SLBP: variants seen among roughly 807,000 people sequenced by gnomAD.
SLBP encodes stem-loop histone mRNA binding protein.
In SLBP, 29 loss-of-function variants were observed where a neutral mutation model predicts 39.2. The ratio of observed to expected loss-of-function variants is 0.74; its 90% CI spans 0.55 to 1.01. The LOEUF is 1.01. Ranked by LOEUF, SLBP falls within the 50% of genes least tolerant of loss-of-function variation. SLBP has a pLI of 0.00. For missense variants in SLBP, 390 were observed against 350.2 expected, an observed-to-expected ratio of 1.11 and a Z score of -0.91; for synonymous variants, 129 against 118.7, an observed-to-expected ratio of 1.09 and a Z score of -0.57.
chr4:1,700,806 C>A (rs1339866043), intron 3 of SLBP, among the ~76,000 whole-genome samples: 1 of 152,182 alleles, frequency 6.6e-6, no homozygotes, highest in Non-Finnish European at 1.5e-5. Flanking sequence ...CTCAAGCAAT[C>A]CTCCCGCCTC....
chr4:1,712,130 C>T lies in SLBP; in HGVS notation c.59G>A (p.Ser20Asn), dbSNP rs2108668852. 1 of 1,231,462 alleles carries T rather than the reference C, an allele frequency of 8.1e-7. No individual in the cohort carries two copies. The highest frequency in any genetic ancestry group is 3.2e-5 in the East Asian group (1 of 30,824). The allele number at this position is 1,231,462 out of a possible 1,614,324, so 76.3% of individuals were successfully genotyped here. Residue 20 changes from serine (S) to asparagine (N), a missense_variant and splice_region_variant, in exon 1 of 8, where the codon AGC becomes AAC. Ser to Asn is a conservative substitution (Grantham distance 46). Coordinates refer to ENST00000489418, the MANE Select transcript of SLBP (RefSeq NM_006527.4). ...RHQSRCDGDA[S>N]PPSPARWSLG... is the part of the protein sequence containing the mutation. ...CGCCCGCCGCGCAGCCCGGCCTCAC[C>T]TGGCGTCACCGTCGCAGCGGCTCTG...
intron 7 of SLBP, among the ~76,000 whole-genome samples, chr4:1,694,390 TTC>T (rs1577175556): frequency 7.3e-6 from 1 of 136,768 alleles, no homozygotes; most frequent in South Asian, 2.3e-4. Context: ...GCACATGGTT[TTC>T]TTTCTTTTTT....
chr4:1,711,881 G>C lies in SLBP; in HGVS notation c.169C>G (p.Pro57Ala). 1 of 1,352,722 alleles carries C rather than the reference G, an allele frequency of 7.4e-7. No individual in the cohort carries two copies. Among genetic ancestry groups the C allele is most frequent in the Non-Finnish European group, 9.5e-7 (1 of 1,051,904 alleles). The allele number at this position is 1,352,722 out of a possible 1,614,324, so 83.8% of individuals were successfully genotyped here. ...EAEHRGAERR[P>A]ESFTTPEGPK... Reference sequence around the variant, plus strand: ...CCCGGGTCCCGCGCCCACCTCTCGGGTCTGCGCTCGGCGCCGCGGTGCTCT... The same window carrying C: ...CCCGGGTCCCGCGCCCACCTCTCGGCTCTGCGCTCGGCGCCGCGGTGCTCT... The change falls in exon 2 of 8, where the codon CCC (proline) becomes GCC (alanine). Residue 57 changes from proline to alanine, a missense_variant. By Grantham distance (27) the Pro-to-Ala change is conservative (BLOSUM62 -1). Transcript: ENST00000489418.
chr4:1,706,635 G>C (rs995114411), intron 2 of SLBP, among the ~76,000 whole-genome samples: 2 of 151,988 alleles, frequency 1.3e-5, no homozygotes, highest in Non-Finnish European at 2.9e-5. Flanking sequence ...GTGAAACCCA[G>C]CGTCTACCAA....
intron 3 of SLBP, among the ~76,000 whole-genome samples, chr4:1,700,395 T>C (rs145404314): frequency 2.2e-3 from 332 of 152,266 alleles, no homozygotes; most frequent in African/African-American, 7.5e-3. Flanking sequence ...AGACCAAACG[T>C]GCCCCCTTTT....
In SLBP at chr4:1,711,780, C is replaced by T. The variant is rs1163089400; in HGVS notation, c.176+94G>A. The T allele has an allele frequency of 1.3e-5, 8 of 626,576 alleles. 1 individual carries two copies. In the Admixed American group the frequency reaches 1.8e-4, roughly 14 times the overall value. The allele number at this position is 626,576 out of a possible 1,614,324, so 38.8% of individuals were successfully genotyped here. ...AAAGGACGCAGGGTGCCGACCTGAC[C>T]GATCCCGGCACCGCGAGAGCGCGAC... On this transcript the variant is annotated intron_variant, in intron 2 of 7. Coordinates refer to ENST00000489418, the MANE Select transcript of SLBP (RefSeq NM_006527.4).
At chr4:1,697,933 C>T (rs1160510746) in intron 5 of SLBP, among the ~76,000 whole-genome samples, 3 of 151,982 alleles carry the variant, frequency 2.0e-5, no homozygotes, top group African/African-American at 4.8e-5. Context: ...CAAGACCAGC[C>T]TGGGCGACAT....
chr4:1,705,824 C>T (rs1231695635), intron 2 of SLBP, among the ~76,000 whole-genome samples: 2 of 152,104 alleles, frequency 1.3e-5, no homozygotes, highest in African/African-American at 4.8e-5. Context: ...AACGTCATCT[C>T]CAAAATAAAT....
chr4:1,706,999 C>T (rs1157600242), intron 2 of SLBP, among the ~76,000 whole-genome samples: 54 of 151,328 alleles, frequency 3.6e-4, no homozygotes, highest in Admixed American at 3.5e-3. Flanking sequence ...GCGGGTGGAT[C>T]ATGAGGTCAG....
At chr4:1,701,763 C>T (rs1318548830) in intron 3 of SLBP, among the ~76,000 whole-genome samples, 5 of 152,190 alleles carry the variant, frequency 3.3e-5, no homozygotes, top group South Asian at 2.1e-4. Flanking sequence ...AAAAATTAGC[C>T]GGACGTGGTG....
intron 1 of SLBP, 55 bp downstream of exon 1, chr4:1,712,075 A>T: frequency 8.1e-7 from 1 of 1,232,274 alleles, no homozygotes; most frequent in Non-Finnish European, 1.0e-6. Flanking sequence ...GGCCCCGCAC[A>T]ACCCCCGCCC....
At chr4:1,707,876 C>T (rs562040619) in intron 2 of SLBP, among the ~76,000 whole-genome samples, 2 of 151,818 alleles carry the variant, frequency 1.3e-5, no homozygotes, top group South Asian at 2.1e-4. Flanking sequence ...GTCAGGAGTT[C>T]GAGACTAGCC....
At position 1,700,012 on chromosome 4, in the gene SLBP, T is replaced by C; in HGVS notation, c.340A>G (p.Ser114Gly). 1 of 1,592,816 alleles carries C rather than the reference T, an allele frequency of 6.3e-7. No homozygotes were observed. The highest frequency in any genetic ancestry group is 1.3e-5 in the African/African-American group (1 of 74,230). ...FGRERKSSSGSSDSKESMSTV... is the reference protein window; with the variant it reads ...FGRERKSSSGGSDSKESMSTV... ...AAGAAACATTTACACAGCCTTTACC[T>C]TCCTGATGATGATTTTCTCTCTCTT... The change falls in exon 4 of 8, where the codon AGT (serine) becomes GGT (glycine). Residue 114 changes from serine (S) to glycine (G), a missense_variant and splice_region_variant. Transcript: ENST00000489418.
rs561748986 is a variant in SLBP at position 1,696,399 on chromosome 4, T to G, written c.480-48A>C. 1.2e-4 allele frequency: 171 copies of G among 1,452,190 alleles called. 1 individual carries two copies. The South Asian group carries it at 2.2e-3, about 19-fold the overall frequency. 90.0% of individuals were successfully genotyped at this position (1,452,190 alleles called of 1,614,324 possible). A position where few individuals can be genotyped will look rare whatever the true frequency, so the allele number is the denominator to read the frequency against. On this transcript the variant is annotated intron_variant, in intron 5 of 7. Coordinates refer to ENST00000489418, the MANE Select transcript of SLBP (RefSeq NM_006527.4). ...GCACATGCCCACATGCCACTCACAT[T>G]TCCACATTAGCCTGAAGATTAACCA...
chr4:1,697,908 T>C (rs1716175234), intron 5 of SLBP, among the ~76,000 whole-genome samples: 1 of 152,066 alleles, frequency 6.6e-6, no homozygotes, highest in Non-Finnish European at 1.5e-5. Flanking sequence ...GGAGGACTAC[T>C]TGAGGCCAGG....
intron 2 of SLBP, among the ~76,000 whole-genome samples, chr4:1,710,531 T>A (rs1181534422): frequency 6.6e-6 from 1 of 152,224 alleles, no homozygotes; most frequent in African/African-American, 2.4e-5. Flanking sequence ...GAGTCTGTGG[T>A]CTGTGCCTTT....
intron 5 of SLBP, among the ~76,000 whole-genome samples, chr4:1,697,713 G>A (rs906306866): frequency 1.3e-5 from 2 of 149,878 alleles, no homozygotes; most frequent in African/African-American, 2.5e-5. Flanking sequence ...GCATGGTGGC[G>A]CATGCCTGTA....
intron 2 of SLBP, among the ~76,000 whole-genome samples, chr4:1,704,823 A>G (rs545496574): frequency 6.6e-6 from 1 of 152,198 alleles, no homozygotes; most frequent in East Asian, 1.9e-4. Context: ...CTCCATCTGA[A>G]TATGAACCTC....
At chr4:1,694,741 C>A (rs776037327) in intron 7 of SLBP, 33 bp downstream of exon 7, 1 of 1,506,774 alleles carries the variant, frequency 6.6e-7, no homozygotes, top group East Asian at 2.3e-5. Context: ...CACCTGCAAC[C>A]CCCAAGCTGA....
Sources: allele counts gnomAD v4.1 joint callset (sites outside exome capture counted in the v4.1 genomes callset), GRCh38; gene constraint gnomAD v4.1.1; transcripts MANE v1.5; gene names NCBI Gene and HGNC (gene_info 2026-07-23, HGNC 2026-07-21).